Variants in CHST11 observed in about 807,000 individuals in gnomAD.
CHST11 encodes carbohydrate sulfotransferase 11, also known as C4S-1.
In CHST11, 9 loss-of-function variants were observed where a neutral mutation model predicts 30.4. The observed-to-expected ratio is 0.30, with a 90% confidence interval of 0.18 to 0.52. The LOEUF is 0.52. CHST11 is among the 20% of genes least tolerant of loss of function. CHST11 has a pLI of 0.97. For synonymous variants in CHST11, 152 were observed against 187.8 expected, an observed-to-expected ratio of 0.81 and a Z score of 1.56; for missense variants, 348 against 460.6, an observed-to-expected ratio of 0.76 and a Z score of 2.24.
At chr12:104,513,657 G>A (rs1388559718) in intron 1 of CHST11, among the ~76,000 whole-genome samples, 1 of 152,190 alleles carries the variant, frequency 6.6e-6, no homozygotes, top group African/African-American at 2.4e-5. Context: ...TGTGCCATAA[G>A]ATGGATGAGG....
intron 2 of CHST11, among the ~76,000 whole-genome samples, chr12:104,700,100 C>T (rs966616400): frequency 6.6e-6 from 1 of 152,180 alleles, no homozygotes; most frequent in African/African-American, 2.4e-5. Context: ...TTTTCTTTTA[C>T]ATTTAAAACA....
intron 1 of CHST11, among the ~76,000 whole-genome samples, chr12:104,534,046 G>C (rs907312984): frequency 6.6e-6 from 1 of 152,138 alleles, no homozygotes; most frequent in Admixed American, 6.5e-5. Flanking sequence ...TTTTTTAATA[G>C]AGAAAGGGAA....
intron 2 of CHST11, among the ~76,000 whole-genome samples, chr12:104,699,671 C>T (rs1316788181): frequency 6.6e-6 from 1 of 152,208 alleles, no homozygotes; most frequent in African/African-American, 2.4e-5. Context: ...TTCCACTTAC[C>T]TACTATGGGA....
chr12:104,637,862 A>ACC (rs557868445), intron 2 of CHST11, among the ~76,000 whole-genome samples: 1 of 150,228 alleles, frequency 6.7e-6, no homozygotes, highest in African/African-American at 2.5e-5. Flanking sequence ...CCTTTGCCGC[A>ACC]CCCCCCCACC....
intron 1 of CHST11, among the ~76,000 whole-genome samples, chr12:104,557,863 T>C (rs1447955630): frequency 6.6e-6 from 1 of 152,116 alleles, no homozygotes; most frequent in Non-Finnish European, 1.5e-5. Flanking sequence ...CAGTGTGGGC[T>C]GGAGCAATCA....
chr12:104,684,047 A>G (rs533740435), intron 2 of CHST11, among the ~76,000 whole-genome samples: 1 of 152,358 alleles, frequency 6.6e-6, no homozygotes, highest in East Asian at 1.9e-4. Context: ...AATAGTCAGC[A>G]GTGGAAATGA....
chr12:104,631,911 C>A (rs1318863759), intron 2 of CHST11, among the ~76,000 whole-genome samples: 1 of 152,218 alleles, frequency 6.6e-6, no homozygotes, highest in Non-Finnish European at 1.5e-5. Context: ...CTTATTCAGT[C>A]CCTTGCATGT....
At chr12:104,678,692 T>C (rs2039765101) in intron 2 of CHST11, among the ~76,000 whole-genome samples, 1 of 152,146 alleles carries the variant, frequency 6.6e-6, no homozygotes, top group African/African-American at 2.4e-5. Flanking sequence ...TTGTTAAGGC[T>C]GCCAAGGAAT....
At chr12:104,513,735 C>T (rs139921423) in intron 1 of CHST11, among the ~76,000 whole-genome samples, 30 of 152,256 alleles carry the variant, frequency 2.0e-4, no homozygotes, top group Middle Eastern at 3.4e-3. Flanking sequence ...TTCCAATGCT[C>T]GATTCACTGG....
chr12:104,750,428 C>CCTTTTTTTT (rs1420945578), intron 2 of CHST11, among the ~76,000 whole-genome samples: 7 of 48,836 alleles, frequency 1.4e-4, no homozygotes, highest in African/African-American at 5.7e-4. Context: ...TATTTCTGCA[C>CCTTTTTTTT]TTTTTTTTTT....
intron 1 of CHST11, among the ~76,000 whole-genome samples, chr12:104,540,241 G>A (rs754825233): frequency 6.6e-6 from 1 of 152,108 alleles, no homozygotes; most frequent in Non-Finnish European, 1.5e-5. Context: ...GAGGCTGATT[G>A]TACAGGACAA....
chr12:104,475,688 A>ATATATATATATATATATATATAT (rs1555226434), intron 1 of CHST11, among the ~76,000 whole-genome samples: 41 of 78,466 alleles, frequency 5.2e-4, no homozygotes, highest in Non-Finnish European at 9.3e-4. Flanking sequence ...ATATATATAT[A>ATATATATATATATATATATATAT]TATTTCTGAT....
intron 2 of CHST11, among the ~76,000 whole-genome samples, chr12:104,608,088 G>T (rs889335442): frequency 6.6e-6 from 1 of 152,092 alleles, no homozygotes; most frequent in African/African-American, 2.4e-5. Flanking sequence ...ATTGGTCTGG[G>T]TTAGGGCTGG....
chr12:104,523,025 A>G (rs555423780), intron 1 of CHST11, among the ~76,000 whole-genome samples: 13 of 152,354 alleles, frequency 8.5e-5, no homozygotes, highest in African/African-American at 2.6e-4. Context: ...ATAATCGTCT[A>G]ATAAGAGAAG....
intron 2 of CHST11, among the ~76,000 whole-genome samples, chr12:104,710,366 A>T (rs1436175257): frequency 1.3e-5 from 2 of 152,088 alleles, no homozygotes; most frequent in African/African-American, 2.4e-5. Flanking sequence ...CTGGGCAGAC[A>T]TTCCCAGCAG....
At chr12:104,677,254 G>A (rs2039751286) in intron 2 of CHST11, among the ~76,000 whole-genome samples, 1 of 152,146 alleles carries the variant, frequency 6.6e-6, no homozygotes, top group South Asian at 2.1e-4. Flanking sequence ...TGGTCAGAGG[G>A]AACAAAAGTC....
intron 1 of CHST11, among the ~76,000 whole-genome samples, chr12:104,598,837 G>A (rs947091367): frequency 5.3e-5 from 8 of 152,142 alleles, no homozygotes; most frequent in African/African-American, 4.8e-5. Flanking sequence ...CCTGGTGGGT[G>A]GGGTGGGCCT....
intron 1 of CHST11, among the ~76,000 whole-genome samples, chr12:104,592,466 G>C (rs2038869317): frequency 6.6e-6 from 1 of 151,974 alleles, no homozygotes; most frequent in Admixed American, 6.6e-5. Flanking sequence ...TCTTTTTTGG[G>C]ACGTCTTTTA....
chr12:104,705,918 T>TA (rs55961743), intron 2 of CHST11, among the ~76,000 whole-genome samples: 46 of 149,270 alleles, frequency 3.1e-4, no homozygotes, highest in Middle Eastern at 3.5e-3. Flanking sequence ...TCTCAAAAAA[T>TA]AAAAAAAAAA....
Sources: gnomAD v4.1 joint callset for allele counts (sites outside exome capture counted in the v4.1 genomes callset) on GRCh38, gnomAD v4.1.1 for gene constraint, MANE v1.5 for transcripts, NCBI Gene and HGNC (gene_info 2026-07-23, HGNC 2026-07-21) for gene names.